Variants in SIN3A observed in about 807,000 individuals in gnomAD.
The protein encoded by SIN3A is paired amphipathic helix protein Sin3a.
A neutral mutation model predicts 146.1 loss-of-function variants in SIN3A; 14 were observed. The observed-to-expected ratio is 0.10, with a 90% CI of 0.06 to 0.15. SIN3A has a LOEUF of 0.15. SIN3A is among the 10% of genes least tolerant of loss of function. The probability of loss-of-function intolerance (pLI) is 1.00; values close to 1 mark genes in which losing one functional copy is unlikely to be tolerated. For synonymous variants in SIN3A, 572 were observed against 572.0 expected, an observed-to-expected ratio of 1.00 and a Z score of 0.00; for missense variants, 1,028 against 1,576.0, an observed-to-expected ratio of 0.65 and a Z score of 5.89.
chr15:75,389,214 G>A (rs1429355162), intron 16 of SIN3A, among the ~76,000 whole-genome samples: 1 of 151,840 alleles, frequency 6.6e-6, no homozygotes, highest in Non-Finnish European at 1.5e-5. Context: ...TAATCCCAGC[G>A]CTTTAAGAGG....
intron 1 of SIN3A, among the ~76,000 whole-genome samples, chr15:75,438,515 C>A (rs2074145302): frequency 6.6e-6 from 1 of 152,032 alleles, no homozygotes; most frequent in Non-Finnish European, 1.5e-5. Flanking sequence ...GAGACACCGT[C>A]TCTACAAAAA....
rs577287966 is a variant in SIN3A at position 75,374,531 on chromosome 15, TG to T, written c.3591+1133del. 3.8e-3 allele frequency among the ~76,000 whole-genome samples: 582 copies of T among 152,344 alleles called. 4 individuals are homozygous for T. Among genetic ancestry groups the T allele is most frequent in the Non-Finnish European group, 3.0e-3 (206 of 68,036 alleles). On this transcript the variant is annotated intron_variant, in intron 20 of 20. Coordinates refer to ENST00000394947, the MANE Select transcript of SIN3A (RefSeq NM_001145358.2). ...CAACTTTATATATACCCATCTCCAC[TG>T]TCCTCACAGAACTCCAAGCTATCTT...
intron 15 of SIN3A, 113 bp from the exon 16 acceptor site, chr15:75,389,934 G>A (rs2073166681): frequency 2.1e-6 from 2 of 954,022 alleles, no homozygotes; most frequent in Admixed American, 2.2e-5. Context: ...ATGAACACTA[G>A]GTATTCAAAA....
At chr15:75,402,147 T>A (rs1054889509) in intron 9 of SIN3A, among the ~76,000 whole-genome samples, 177 bp from the exon 10 acceptor site, 5 of 152,028 alleles carry the variant, frequency 3.3e-5, no homozygotes, top group African/African-American at 1.2e-4. Flanking sequence ...CATGCCTGGC[T>A]AATTTCTAAA....
At chr15:75,416,206 G>A (rs898969054) in intron 3 of SIN3A, among the ~76,000 whole-genome samples, 2 of 152,198 alleles carry the variant, frequency 1.3e-5, no homozygotes, top group African/African-American at 4.8e-5. Flanking sequence ...TTGTTTTGGT[G>A]GGAAGGATCA....
rs2072732981 is a variant in SIN3A at position 75,370,703 on chromosome 15, G to A, written c.*1276C>T. On this transcript the variant is annotated 3_prime_UTR_variant, in exon 21 of 21. Coordinates refer to ENST00000394947, the MANE Select transcript of SIN3A (RefSeq NM_001145358.2). ...AATATATAGAAATACAAACTACATA[G>A]CTTGACAACTTACCCAAATATAAAA... 1 of 151,850 alleles carries A rather than the reference G, an allele frequency of 6.6e-6. No individual in the cohort carries two copies. The highest frequency in any genetic ancestry group is 1.5e-5 in the Non-Finnish European group (1 of 68,008). 9.4% of individuals were successfully genotyped at this position (151,850 alleles called of 1,614,324 possible).
chr15:75,375,070 C>G (rs1274867638), intron 20 of SIN3A, among the ~76,000 whole-genome samples: 1 of 152,118 alleles, frequency 6.6e-6, no homozygotes, highest in Non-Finnish European at 1.5e-5. Context: ...AGTAAATTCA[C>G]CAAAAAGGTG....
chr15:75,416,889 C>T (rs1446597286), intron 3 of SIN3A, among the ~76,000 whole-genome samples: 1 of 152,162 alleles, frequency 6.6e-6, no homozygotes, highest in Non-Finnish European at 1.5e-5. Flanking sequence ...TCAGATAAGT[C>T]CTGCCATTTT....
chr15:75,427,632 C>G (rs2073947833), intron 2 of SIN3A, among the ~76,000 whole-genome samples: 1 of 151,808 alleles, frequency 6.6e-6, no homozygotes, highest in African/African-American at 2.4e-5. Flanking sequence ...TGCACTCCAG[C>G]CTGGGCAACA....
chr15:75,372,468 A>G (rs1263644900), intron 20 of SIN3A, among the ~76,000 whole-genome samples: 1 of 152,182 alleles, frequency 6.6e-6, no homozygotes, highest in African/African-American at 2.4e-5. Flanking sequence ...TCTGGGCTGA[A>G]AAAGCTCGCT....
intron 15 of SIN3A, 36 bp downstream of exon 15, chr15:75,392,205 CA>C: frequency 6.3e-7 from 1 of 1,588,256 alleles, no homozygotes; most frequent in Non-Finnish European, 8.6e-7. Context: ...TCCTCAACCT[CA>C]CACATCCTCT....
intron 20 of SIN3A, among the ~76,000 whole-genome samples, chr15:75,374,793 A>C (rs1245185133): frequency 6.6e-6 from 1 of 152,210 alleles, no homozygotes; most frequent in Non-Finnish European, 1.5e-5. Context: ...TCAGGCCTCA[A>C]GCATCACCTC....
chr15:75,422,564 G>A (rs758035883), intron 3 of SIN3A, 83 bp downstream of exon 3: 1 of 1,454,090 alleles, frequency 6.9e-7, no homozygotes, highest in Non-Finnish European at 9.7e-7. Flanking sequence ...GTTAGAAGTT[G>A]TACCACCACA....
Position 75,412,733 on chromosome 15 carries a change from A to G in SIN3A, c.756+30T>C, listed in dbSNP as rs755139297. 1.5e-5 allele frequency: 23 copies of G among 1,534,100 alleles called. No homozygotes were observed. In the Admixed American group the frequency reaches 4.2e-4, roughly 28 times the overall value. On this transcript the variant is annotated intron_variant, in intron 5 of 20. Transcript: ENST00000394947. ...GAAGGTGCTCTCTAGGGATGCATTC[A>G]TATTGATGCAATATTTTCCAAGTGC...
chr15:75,430,620 A>G (rs1009474707), intron 1 of SIN3A, among the ~76,000 whole-genome samples: 1 of 152,196 alleles, frequency 6.6e-6, no homozygotes, highest in Non-Finnish European at 1.5e-5. Context: ...TTTAAATAAC[A>G]TAATTTTAAT....
At chr15:75,443,873 T>C (rs968336057) in intron 1 of SIN3A, among the ~76,000 whole-genome samples, 1 of 152,218 alleles carries the variant, frequency 6.6e-6, no homozygotes, top group East Asian at 1.9e-4. Flanking sequence ...ATCATACCAC[T>C]GCCCTTCGGC....
chr15:75,371,883 T>C lies in SIN3A; in HGVS notation c.*96A>G, dbSNP rs1320053372. The C allele has an allele frequency of 5.2e-6, 6 of 1,160,916 alleles. No individual in the cohort carries two copies. The highest frequency in any genetic ancestry group is 1.5e-5 in the African/African-American group (1 of 65,696). 71.9% of individuals were successfully genotyped at this position (1,160,916 alleles called of 1,614,324 possible). A position where few individuals can be genotyped will look rare whatever the true frequency, so the allele number is the denominator to read the frequency against. On this transcript the variant is annotated 3_prime_UTR_variant, in exon 21 of 21. Coordinates refer to ENST00000394947, the MANE Select transcript of SIN3A (RefSeq NM_001145358.2). ...ATGTCCCAGAGAGGCCCAGTGAGGC[T>C]TGAAAGGCATCTTCCTTGTTTCTTC...
At position 75,414,300 on chromosome 15, in the gene SIN3A, C is replaced by T. The variant is rs750772293; in HGVS notation, c.378G>A (p.Ala126=). The T allele has an allele frequency of 3.0e-5, 45 of 1,501,602 alleles. No homozygotes were observed. The highest frequency in any genetic ancestry group is 1.4e-5 in the Non-Finnish European group (16 of 1,108,944). 93.0% of individuals were successfully genotyped at this position (1,501,602 alleles called of 1,614,324 possible). ...QQFQRLKVED[A]LSYLDQVKLQ... is the part of the protein sequence containing the mutation. ...GCTTCACCTGGTCAAGATAAGATAG[C>T]GCATCCTCCACCTGAGGCAGGGATA... The change falls in exon 4 of 21, where the codon GCG becomes GCA. Residue 126 remains alanine (A), a synonymous_variant. Transcript: ENST00000394947.
At chr15:75,372,667 AAAT>A (rs1047432119) in intron 20 of SIN3A, among the ~76,000 whole-genome samples, 9 of 151,932 alleles carry the variant, frequency 5.9e-5, no homozygotes, top group Admixed American at 2.0e-4. Flanking sequence ...ACAAAAATAC[AAAT>A]AATAACTGGG....
Sources: gnomAD v4.1 joint callset for allele counts (sites outside exome capture counted in the v4.1 genomes callset) on GRCh38, gnomAD v4.1.1 for gene constraint, MANE v1.5 for transcripts, NCBI Gene and HGNC (gene_info 2026-07-23, HGNC 2026-07-21) for gene names.